The following XIAP variants were observed in gnomAD, a reference collection of about 807,000 sequenced individuals.
XIAP encodes X-linked inhibitor of apoptosis.
A neutral mutation model predicts 33.1 loss-of-function variants in XIAP; 3 were observed. That is an observed-to-expected ratio of 0.09 (90% CI 0.04 to 0.23). The LOEUF is 0.23. XIAP is among the 10% of genes least tolerant of loss of function. XIAP has a pLI of 1.00. For synonymous variants in XIAP, 98 were observed against 121.3 expected (o/e 0.81, Z 1.26); for missense variants, 264 against 363.0 (o/e 0.73, Z 2.22).
intron 1 of XIAP, among the ~76,000 whole-genome samples, chrX:123,884,944 C>A (rs374294605): frequency 2.5e-3 from 230 of 91,673 alleles, no homozygotes; most frequent in Middle Eastern, 0.011. Flanking sequence ...ATGTCATGGG[C>A]AAAAAAAAAA....
At chrX:123,905,491 G>T (rs905138395) in intron 6 of XIAP, among the ~76,000 whole-genome samples, 1 of 111,345 alleles carries the variant, frequency 9.0e-6, no homozygotes, top group Non-Finnish European at 1.9e-5. Context: ...CTTCGTTTAT[G>T]CATGCATGCA....
chrX:123,905,227 G>T (rs2053548535), intron 6 of XIAP, among the ~76,000 whole-genome samples: 1 of 111,251 alleles, frequency 9.0e-6, no homozygotes, highest in Non-Finnish European at 1.9e-5. Flanking sequence ...CCTTTACGTG[G>T]CTCGCCTAAT....
chrX:123,890,549 G>A (rs2053397967), intron 3 of XIAP, among the ~76,000 whole-genome samples: 1 of 106,813 alleles, frequency 9.4e-6, no homozygotes, highest in Non-Finnish European at 1.9e-5. Context: ...AGGATCACTT[G>A]AGCTGGGGAG....
In XIAP at chrX:123,889,997, A is replaced by ATTTTTTTTTT. The variant is rs771503633; in HGVS notation, c.978-1213_978-1204dup. On this transcript the variant is annotated intron_variant, in intron 3 of 6. Coordinates refer to ENST00000371199, the MANE Select transcript of XIAP (RefSeq NM_001167.4). ...ATCTCTATGACATACAGTTGTTCAC[A>ATTTTTTTTTT]TTTTTTTTTTTTTTTTTTTTTTTTT... Among the ~76,000 whole-genome samples the ATTTTTTTTTT allele has an allele frequency of 6.0e-5, 2 of 33,072 alleles. 1 individual carries two copies. Among genetic ancestry groups the ATTTTTTTTTT allele is most frequent in the Non-Finnish European group, 9.8e-5 (2 of 20,413 alleles). 28.7% of individuals were successfully genotyped at this position (33,072 alleles called of 115,157 possible). A position where few individuals can be genotyped will look rare whatever the true frequency, so the allele number is the denominator to read the frequency against.
intron 1 of XIAP, among the ~76,000 whole-genome samples, chrX:123,871,899 G>A (rs2053197204): frequency 9.1e-6 from 1 of 109,824 alleles, no homozygotes; most frequent in Non-Finnish European, 1.9e-5. Context: ...TCAGGAGATC[G>A]AGACCATCTT....
intron 1 of XIAP, among the ~76,000 whole-genome samples, chrX:123,866,492 T>TATA (rs1556398302): frequency 2.0e-5 from 2 of 100,076 alleles, no homozygotes; most frequent in Admixed American, 1.2e-4. Flanking sequence ...TTATATATGA[T>TATA]TAATATATAA....
chrX:123,891,381 G>A, intron 4 of XIAP, 65 bp downstream of exon 4: 1 of 547,087 alleles, frequency 1.8e-6, no homozygotes, highest in Non-Finnish European at 2.9e-6. Context: ...TTTTCATTAT[G>A]TAGTTTATAT....
intron 1 of XIAP, among the ~76,000 whole-genome samples, chrX:123,866,764 C>T (rs1178190967): frequency 3.8e-5 from 4 of 105,984 alleles, no homozygotes; most frequent in East Asian, 5.9e-4. Flanking sequence ...ACTGAACCTC[C>T]GCCTCCCAGG....
intron 6 of XIAP, 135 bp from the exon 7 acceptor site, chrX:123,906,853 C>A: frequency 1.4e-6 from 1 of 703,441 alleles, no homozygotes; most frequent in Non-Finnish European, 2.2e-6. Flanking sequence ...GAGCAGATGC[C>A]ACGGGTGAGT....
intron 5 of XIAP, among the ~76,000 whole-genome samples, chrX:123,894,078 C>G (rs1160715544): frequency 8.9e-6 from 1 of 112,158 alleles, no homozygotes; most frequent in Non-Finnish European, 1.9e-5. Context: ...CCCTAACCCA[C>G]CTGCTTCTTT....
rs1240661321 is a variant in XIAP, at chrX:123,910,666, G to A, written c.*3485G>A. The A allele has an allele frequency of 1.2e-5, 4 of 320,217 alleles. No homozygotes were observed. The highest frequency in any genetic ancestry group is 1.0e-3 in the Middle Eastern group (1 of 982). 26.4% of individuals were successfully genotyped at this position (320,217 alleles called of 1,213,427 possible). A position where few individuals can be genotyped will look rare whatever the true frequency, so the allele number is the denominator to read the frequency against. On this transcript the variant is annotated 3_prime_UTR_variant, in exon 7 of 7. Transcript: ENST00000371199. ...AGGTGGATCACGAGGTCAGGAGATC[G>A]AGACCATCCTGGCTAACACGGTGAA...
chrX:123,899,265 A>G (rs1201992517), intron 5 of XIAP, among the ~76,000 whole-genome samples: 1 of 98,875 alleles, frequency 1.0e-5, no homozygotes, highest in Non-Finnish European at 2.0e-5. Context: ...TTTTGTATAT[A>G]TATGATTTTG....
At chrX:123,884,312 C>T (rs924838964) in intron 1 of XIAP, among the ~76,000 whole-genome samples, 3 of 110,564 alleles carry the variant, frequency 2.7e-5, no homozygotes, top group East Asian at 2.8e-4. Flanking sequence ...GGAGAAACCC[C>T]GTCTCTACTA....
intron 1 of XIAP, among the ~76,000 whole-genome samples, chrX:123,884,423 G>A (rs750540393): frequency 1.0e-4 from 11 of 108,026 alleles, no homozygotes; most frequent in South Asian, 8.1e-4. Context: ...GGCGGAGGTC[G>A]CATGAACCAG....
intron 1 of XIAP, among the ~76,000 whole-genome samples, chrX:123,879,517 G>A (rs1159438703): frequency 4.7e-5 from 5 of 106,293 alleles, no homozygotes; most frequent in South Asian, 8.8e-4. Context: ...GGGTTTCACC[G>A]TGTTAGCTAG....
intron 5 of XIAP, among the ~76,000 whole-genome samples, chrX:123,893,746 C>T (rs770174980): frequency 5.4e-5 from 6 of 111,147 alleles, no homozygotes; most frequent in African/African-American, 1.3e-4. Flanking sequence ...GAGGCCGAGG[C>T]GGGAGAATCG....
chrX:123,867,261 C>T (rs895055343), intron 1 of XIAP, among the ~76,000 whole-genome samples: 20 of 105,725 alleles, frequency 1.9e-4, no homozygotes, highest in African/African-American at 5.9e-4. Context: ...TTAGTAGAGA[C>T]GGGGTTTCAC....
rs2053352464 is a variant in XIAP at position 123,886,419 on chromosome X, TCAA to T, written c.761_763del (p.Thr254del). 20 of 1,211,589 alleles carry T rather than the reference TCAA, an allele frequency of 1.7e-5. No individual in the cohort carries two copies. The highest frequency in any genetic ancestry group is 2.2e-5 in the Non-Finnish European group (20 of 895,603). ...GAGTTCTGATAGGAATTTCCCAAAT[TCAA>T]CAAATCTTCCAAGAAATCCATCCAT... On this transcript the variant is annotated inframe_deletion, in exon 2 of 7. Coordinates refer to ENST00000371199, the MANE Select transcript of XIAP (RefSeq NM_001167.4).
Position 123,912,624 on chromosome X carries a change from G to T in XIAP, c.*5443G>T. The T allele has an allele frequency of 3.1e-6, 1 of 324,694 alleles. No individual in the cohort carries two copies. The highest frequency in any genetic ancestry group is 5.9e-6 in the Non-Finnish European group (1 of 168,141). 26.8% of individuals were successfully genotyped at this position (324,694 alleles called of 1,213,427 possible). ...CATTCCAGCCTGGGTGACAGTGCAA[G>T]ACCTTGTCTCAGAATAAATAAAGTA... On this transcript the variant is annotated 3_prime_UTR_variant, in exon 7 of 7. Coordinates refer to ENST00000371199, the MANE Select transcript of XIAP (RefSeq NM_001167.4).
Sources: allele counts gnomAD v4.1 joint callset (sites outside exome capture counted in the v4.1 genomes callset), GRCh38; gene constraint gnomAD v4.1.1; transcripts MANE v1.5; gene names NCBI Gene and HGNC (gene_info 2026-07-23, HGNC 2026-07-21).